FAF1: variants seen among roughly 807,000 people sequenced by gnomAD.
FAF1 encodes FAS-associated factor 1.
FAF1 carries 25 observed loss-of-function variants against 92.5 expected under a neutral mutation model. The ratio of observed to expected loss-of-function variants is 0.27; its 90% confidence interval spans 0.20 to 0.38. The LOEUF is 0.38. Among genes scored for constraint, FAF1 ranks in the 10% least tolerant of loss-of-function variants. The pLI, the probability that FAF1 is intolerant of heterozygous loss-of-function variation, is 1.00. For missense variants in FAF1, 636 were observed against 793.3 expected, an observed-to-expected ratio of 0.80 and a Z score of 2.38; for synonymous variants, 234 against 273.2, an observed-to-expected ratio of 0.86 and a Z score of 1.42.
At chr1:50,634,133 G>T (rs773368863) in intron 8 of FAF1, among the ~76,000 whole-genome samples, 11 of 152,014 alleles carry the variant, frequency 7.2e-5, no homozygotes, top group Non-Finnish European at 1.5e-4. Flanking sequence ...GGTTCAAAAG[G>T]CTACTTACCA....
At chr1:50,772,047 G>A (rs1014565555) in intron 4 of FAF1, among the ~76,000 whole-genome samples, 8 of 152,130 alleles carry the variant, frequency 5.3e-5, no homozygotes, top group African/African-American at 9.7e-5. Context: ...AAAAGATTAC[G>A]TGTAGGTAAG....
At chr1:50,835,317 T>C (rs1557550699) in intron 2 of FAF1, among the ~76,000 whole-genome samples, 1 of 152,102 alleles carries the variant, frequency 6.6e-6, no homozygotes, top group Admixed American at 6.5e-5. Flanking sequence ...TAAGCAATGG[T>C]AGTGTTATAA....
At chr1:50,443,523 C>T (rs1413876896) in intron 18 of FAF1, among the ~76,000 whole-genome samples, 5 of 152,142 alleles carry the variant, frequency 3.3e-5, no homozygotes, top group African/African-American at 1.2e-4. Flanking sequence ...TGTTTACAGC[C>T]ATATGGTTAA....
chr1:50,856,770 T>C (rs1396016307), intron 2 of FAF1, among the ~76,000 whole-genome samples: 1 of 151,786 alleles, frequency 6.6e-6, no homozygotes, highest in East Asian at 1.9e-4. Flanking sequence ...TCTACAGTAA[T>C]GTTCATAATA....
intron 8 of FAF1, 29 bp downstream of exon 8, chr1:50,655,413 A>T: frequency 6.8e-7 from 1 of 1,478,074 alleles, no homozygotes; most frequent in Non-Finnish European, 9.5e-7. Flanking sequence ...AAAGGAGGAT[A>T]TAAAACTGAA....
intron 3 of FAF1, among the ~76,000 whole-genome samples, chr1:50,792,910 G>A (rs1661614900): frequency 6.6e-6 from 1 of 152,292 alleles, no homozygotes. Flanking sequence ...ACAGAAAGTG[G>A]CAATCAGAAG....
chr1:50,819,802 CATATATAT>C (rs760445644), intron 2 of FAF1, among the ~76,000 whole-genome samples: 1 of 86,212 alleles, frequency 1.2e-5, no homozygotes. Context: ...TATATATATA[CATATATAT>C]ATATATATAG....
intron 4 of FAF1, among the ~76,000 whole-genome samples, chr1:50,758,835 TTTA>T (rs1197538518): frequency 6.6e-6 from 1 of 152,104 alleles, no homozygotes; most frequent in South Asian, 2.1e-4. Flanking sequence ...GTCTGTATTT[TTTA>T]TTATTATTAT....
intron 6 of FAF1, among the ~76,000 whole-genome samples, chr1:50,707,960 C>T (rs1657756266): frequency 6.6e-6 from 1 of 152,234 alleles, no homozygotes; most frequent in Non-Finnish European, 1.5e-5. Context: ...GCTGCGTGCG[C>T]CACCACGCCC....
intron 2 of FAF1, among the ~76,000 whole-genome samples, chr1:50,812,266 C>T (rs1300563854): frequency 6.6e-6 from 1 of 152,108 alleles, no homozygotes; most frequent in Non-Finnish European, 1.5e-5. Flanking sequence ...AGTAATCACA[C>T]AACCAATGGA....
At chr1:50,549,893 C>G (rs969486963) in intron 13 of FAF1, among the ~76,000 whole-genome samples, 1 of 152,166 alleles carries the variant, frequency 6.6e-6, no homozygotes, top group African/African-American at 2.4e-5. Flanking sequence ...CAGGCATGAG[C>G]CACTGTGCAC....
chr1:50,719,861 A>T (rs946098745), intron 6 of FAF1, among the ~76,000 whole-genome samples: 3 of 152,214 alleles, frequency 2.0e-5, no homozygotes, highest in African/African-American at 7.2e-5. Flanking sequence ...ATAGGCAATA[A>T]ACTGTATAAA....
chr1:50,626,135 T>C (rs962680822), intron 8 of FAF1, among the ~76,000 whole-genome samples: 1 of 152,198 alleles, frequency 6.6e-6, no homozygotes, highest in Non-Finnish European at 1.5e-5. Context: ...CCCAATTCCT[T>C]AAATTTTGTT....
intron 13 of FAF1, among the ~76,000 whole-genome samples, chr1:50,566,742 A>C (rs1484293126): frequency 6.6e-6 from 1 of 152,078 alleles, no homozygotes; most frequent in African/African-American, 2.4e-5. Flanking sequence ...TATATATTAG[A>C]CTTGTTTTGC....
At chr1:50,875,524 C>T (rs1644564237) in intron 1 of FAF1, among the ~76,000 whole-genome samples, 1 of 152,122 alleles carries the variant, frequency 6.6e-6, no homozygotes, top group Non-Finnish European at 1.5e-5. Flanking sequence ...ACAGTCTCAG[C>T]TCACTGCAAC....
At chr1:50,772,147 A>C (rs563317248) in intron 4 of FAF1, among the ~76,000 whole-genome samples, 1 of 152,306 alleles carries the variant, frequency 6.6e-6, no homozygotes, top group African/African-American at 2.4e-5. Flanking sequence ...TAATACCATA[A>C]AAGTCCTTAG....
chr1:50,753,809 G>A (rs574361379), intron 4 of FAF1, among the ~76,000 whole-genome samples: 1 of 150,122 alleles, frequency 6.7e-6, no homozygotes, highest in South Asian at 2.1e-4. Context: ...CCAGCCTGGA[G>A]TGTAGTGGTG....
At chr1:50,807,358 G>A (rs1190160000) in intron 2 of FAF1, among the ~76,000 whole-genome samples, 2 of 152,224 alleles carry the variant, frequency 1.3e-5, no homozygotes, top group African/African-American at 2.4e-5. Flanking sequence ...GCATGGCTGG[G>A]AAGTCCTCAG....
intron 15 of FAF1, among the ~76,000 whole-genome samples, 152 bp downstream of exon 15, chr1:50,535,205 GACTGAAAGGTAA>G (rs1257482285): frequency 6.6e-6 from 1 of 152,072 alleles, no homozygotes; most frequent in Non-Finnish European, 1.5e-5. Flanking sequence ...AAAAAGAATG[GACTGAAAGGTAA>G]ACTCCATAGC....
Sources: allele counts gnomAD v4.1 joint callset (sites outside exome capture counted in the v4.1 genomes callset), GRCh38; gene constraint gnomAD v4.1.1; transcripts MANE v1.5; gene names NCBI Gene and HGNC (gene_info 2026-07-23, HGNC 2026-07-21).